The following RBFOX1 variants were observed in gnomAD, a reference collection of about 807,000 sequenced individuals.
RBFOX1 encodes RNA binding fox-1 homolog 1, also known as RNA binding protein fox-1 homolog 1.
A neutral mutation model predicts 57.7 loss-of-function variants in RBFOX1; 8 were observed. That is an observed-to-expected ratio of 0.14 (90% CI 0.08 to 0.25). The LOEUF (loss-of-function observed/expected upper bound fraction) is 0.25, where lower values mean the gene tolerates loss of function less well. RBFOX1 is among the 10% of genes least tolerant of loss of function. RBFOX1 has a pLI of 1.00. For synonymous variants in RBFOX1, 326 were observed against 222.4 expected (o/e 1.47, Z -4.15); for missense variants, 611 against 548.5 (o/e 1.11, Z -1.14).
At chr16:7,548,408 C>T (rs997806466) in intron 5 of RBFOX1, among the ~76,000 whole-genome samples, 9 of 152,280 alleles carry the variant, frequency 5.9e-5, no homozygotes, top group South Asian at 4.1e-4. Flanking sequence ...CCACCGGCTG[C>T]GCCACCCAAA....
chr16:5,379,282 T>C (rs533593757), intron 1 of RBFOX1, among the ~76,000 whole-genome samples: 1 of 151,736 alleles, frequency 6.6e-6, no homozygotes, highest in South Asian at 2.1e-4. Context: ...TTTTAAAATA[T>C]GAAAGCAGTT....
At chr16:5,694,588 A>G (rs181428651) in intron 3 of RBFOX1, among the ~76,000 whole-genome samples, 13 of 152,128 alleles carry the variant, frequency 8.5e-5, no homozygotes, top group African/African-American at 3.1e-4. Flanking sequence ...TCCACACTCT[A>G]AGATCACCAC....
chr16:6,727,187 G>A (rs1439367972), intron 3 of RBFOX1, among the ~76,000 whole-genome samples: 1 of 151,788 alleles, frequency 6.6e-6, no homozygotes, highest in Non-Finnish European at 1.5e-5. Context: ...GAAGAGGTGA[G>A]ACTCACTATC....
chr16:7,545,404 T>C (rs1365706099), intron 5 of RBFOX1, among the ~76,000 whole-genome samples: 2 of 152,124 alleles, frequency 1.3e-5, no homozygotes, highest in African/African-American at 4.8e-5. Context: ...CGGGGGGCTT[T>C]GATCTCACCT....
At chr16:7,399,415 C>G (rs796678404) in intron 4 of RBFOX1, among the ~76,000 whole-genome samples, 4 of 152,008 alleles carry the variant, frequency 2.6e-5, no homozygotes, top group African/African-American at 9.6e-5. Flanking sequence ...CTGTTGCACT[C>G]CAGCCTGGGT....
chr16:6,231,361 G>T (rs1309872914), intron 1 of RBFOX1, among the ~76,000 whole-genome samples: 1 of 152,038 alleles, frequency 6.6e-6, no homozygotes, highest in Non-Finnish European at 1.5e-5. Context: ...TCAGTGATGA[G>T]ACTCTCTAGC....
At chr16:6,968,862 C>G (rs1165355538) in intron 3 of RBFOX1, among the ~76,000 whole-genome samples, 1 of 151,254 alleles carries the variant, frequency 6.6e-6, no homozygotes, top group Non-Finnish European at 1.5e-5. Context: ...CTTCTGGCAG[C>G]TGAAGGCTAC....
intron 2 of RBFOX1, among the ~76,000 whole-genome samples, chr16:6,393,062 C>A (rs1173792230): frequency 6.6e-6 from 1 of 152,202 alleles, no homozygotes; most frequent in Admixed American, 6.5e-5. Context: ...GTAAATGGGG[C>A]ACTCTGCCAT....
intron 3 of RBFOX1, among the ~76,000 whole-genome samples, chr16:7,018,882 G>T (rs1471341945): frequency 6.6e-6 from 1 of 152,146 alleles, no homozygotes; most frequent in Admixed American, 6.6e-5. Flanking sequence ...ACATTGGGAG[G>T]CCAAAGTGGG....
intron 1 of RBFOX1, among the ~76,000 whole-genome samples, chr16:6,275,235 C>T (rs1457074840): frequency 1.3e-5 from 2 of 151,866 alleles, no homozygotes; most frequent in Non-Finnish European, 2.9e-5. Context: ...GGTGTGAACC[C>T]AGGAGGTGGA....
At chr16:5,262,538 G>C (rs2062760676) in intron 1 of RBFOX1, among the ~76,000 whole-genome samples, 1 of 152,204 alleles carries the variant, frequency 6.6e-6, no homozygotes, top group Non-Finnish European at 1.5e-5. Context: ...TGGGTCTCCA[G>C]CTTGCTGGCT....
At chr16:6,950,443 T>G (rs2080486076) in intron 3 of RBFOX1, among the ~76,000 whole-genome samples, 1 of 152,162 alleles carries the variant, frequency 6.6e-6, no homozygotes, top group South Asian at 2.1e-4. Flanking sequence ...AGCAGTTTGG[T>G]ATCCTAGTGC....
chr16:7,223,561 C>T (rs1246536550), intron 4 of RBFOX1, among the ~76,000 whole-genome samples: 1 of 152,040 alleles, frequency 6.6e-6, no homozygotes, highest in Admixed American at 6.5e-5. Context: ...TTTGCACAGC[C>T]AGTAATTGTG....
chr16:7,482,448 C>T (rs781575362), intron 4 of RBFOX1, among the ~76,000 whole-genome samples: 2 of 148,454 alleles, frequency 1.3e-5, no homozygotes, highest in Admixed American at 6.7e-5. Context: ...ACCTCTTCAG[C>T]CCCTCCTTCC....
intron 4 of RBFOX1, among the ~76,000 whole-genome samples, chr16:7,060,126 TG>T (rs2053794046): frequency 6.6e-6 from 1 of 152,186 alleles, no homozygotes; most frequent in Non-Finnish European, 1.5e-5. Context: ...AAACTTTTTC[TG>T]AAAAAAGCCA....
At chr16:7,109,213 T>A (rs1479081828) in intron 4 of RBFOX1, among the ~76,000 whole-genome samples, 2 of 152,184 alleles carry the variant, frequency 1.3e-5, no homozygotes, top group Non-Finnish European at 1.5e-5. Flanking sequence ...GTATAAAGGA[T>A]ACCAGTAGAT....
intron 1 of RBFOX1, among the ~76,000 whole-genome samples, chr16:6,240,779 A>T (rs1312349686): frequency 6.6e-6 from 1 of 152,034 alleles, no homozygotes; most frequent in African/African-American, 2.4e-5. Flanking sequence ...GGACTTTTCT[A>T]TTCCATTTGG....
At chr16:5,879,360 C>G (rs185950067) in intron 4 of RBFOX1, among the ~76,000 whole-genome samples, 7 of 152,294 alleles carry the variant, frequency 4.6e-5, no homozygotes, top group Admixed American at 3.3e-4. Flanking sequence ...GGGTTGTGTG[C>G]TCATGTCCTA....
Position 5,820,782 on chromosome 16 carries a change from C to G in RBFOX1, c.319-46521C>G, listed in dbSNP as rs144687749. On this transcript the variant is annotated intron_variant, in intron 3 of 19. Transcript: ENST00000641259. ...CTCCCAGCCTCACAGGGGTTTAAGA[C>G]GATCAGACAGTTAGACAAGCCAGTC... Among the ~76,000 whole-genome samples the G allele has an allele frequency of 1.7e-3, 258 of 152,262 alleles. 1 individual carries two copies. Among genetic ancestry groups the G allele is most frequent in the African/African-American group, 5.2e-3 (216 of 41,540 alleles).
Sources: allele counts gnomAD v4.1 joint callset (sites outside exome capture counted in the v4.1 genomes callset), GRCh38; gene constraint gnomAD v4.1.1; transcripts MANE v1.5; gene names NCBI Gene and HGNC (gene_info 2026-07-23, HGNC 2026-07-21).